PTPRD: variants seen among roughly 807,000 people sequenced by gnomAD.
PTPRD encodes the protein receptor-type tyrosine-protein phosphatase delta.
PTPRD carries 34 observed loss-of-function variants against 214.5 expected under a neutral mutation model. The ratio of observed to expected loss-of-function variants is 0.16; its 90% CI spans 0.12 to 0.21. The LOEUF is 0.21. Ranked by LOEUF, PTPRD falls within the 10% of genes least tolerant of loss-of-function variation. The pLI is 1.00. For synonymous variants in PTPRD, 1,128 were observed against 845.7 expected, an observed-to-expected ratio of 1.33 and a Z score of -5.79; for missense variants, 2,545 against 2,398.7, an observed-to-expected ratio of 1.06 and a Z score of -1.27.
At chr9:8,915,701 A>G (rs1325843014) in intron 11 of PTPRD, among the ~76,000 whole-genome samples, 1 of 152,172 alleles carries the variant, frequency 6.6e-6, no homozygotes, top group Non-Finnish European at 1.5e-5. Flanking sequence ...GCAGAAAAAA[A>G]TCCAATGTCC....
intron 12 of PTPRD, among the ~76,000 whole-genome samples, chr9:8,706,256 A>G (rs1442911006): frequency 2.6e-5 from 4 of 152,210 alleles, no homozygotes; most frequent in African/African-American, 9.6e-5. Context: ...GAAATTAGAT[A>G]TAATAGGATT....
chr9:9,531,624 C>T (rs1012316398), intron 8 of PTPRD, among the ~76,000 whole-genome samples: 2 of 152,058 alleles, frequency 1.3e-5, no homozygotes, highest in East Asian at 1.9e-4. Context: ...GAATAGTACT[C>T]CTCGCACAGA....
chr9:9,341,743 A>C (rs1253346971), intron 9 of PTPRD, among the ~76,000 whole-genome samples: 1 of 152,096 alleles, frequency 6.6e-6, no homozygotes, highest in Non-Finnish European at 1.5e-5. Flanking sequence ...CATTTGCATA[A>C]GGAAAATAAT....
At chr9:10,453,868 T>G (rs1378305774) in intron 2 of PTPRD, among the ~76,000 whole-genome samples, 2 of 151,814 alleles carry the variant, frequency 1.3e-5, no homozygotes, top group Admixed American at 1.3e-4. Flanking sequence ...AACCCTTGTC[T>G]TCTTCTAGAT....
chr9:9,596,075 T>G (rs939156702), intron 7 of PTPRD, among the ~76,000 whole-genome samples: 3 of 152,044 alleles, frequency 2.0e-5, no homozygotes, highest in African/African-American at 7.2e-5. Context: ...AATCAAAATA[T>G]ATTCACTTAG....
At chr9:9,816,435 A>C (rs2048795404) in intron 5 of PTPRD, among the ~76,000 whole-genome samples, 1 of 152,102 alleles carries the variant, frequency 6.6e-6, no homozygotes. Context: ...ATGCATCATA[A>C]TTGCTAAAGT....
At chr9:9,885,239 C>A (rs2070398148) in intron 5 of PTPRD, among the ~76,000 whole-genome samples, 1 of 151,766 alleles carries the variant, frequency 6.6e-6, no homozygotes, top group African/African-American at 2.4e-5. Context: ...TTAGAAATTA[C>A]TAAATTGAGA....
At chr9:8,752,610 G>C (rs981903669) in intron 11 of PTPRD, among the ~76,000 whole-genome samples, 1 of 152,098 alleles carries the variant, frequency 6.6e-6, no homozygotes, top group African/African-American at 2.4e-5. Context: ...TTGGGGTCTG[G>C]ATCGGGACCC....
chr9:8,761,290 A>G (rs1342981545), intron 11 of PTPRD, among the ~76,000 whole-genome samples: 1 of 152,208 alleles, frequency 6.6e-6, no homozygotes, highest in Non-Finnish European at 1.5e-5. Flanking sequence ...AAAAGAGACT[A>G]GGACACTCTA....
chr9:9,738,503 G>GCA (rs2098341402), intron 6 of PTPRD, among the ~76,000 whole-genome samples: 1 of 125,206 alleles, frequency 8.0e-6, no homozygotes, highest in African/African-American at 3.3e-5. Flanking sequence ...GAGACCATCA[G>GCA]TGCGATCTTG....
intron 7 of PTPRD, among the ~76,000 whole-genome samples, chr9:9,665,169 T>C (rs566494363): frequency 3.3e-5 from 5 of 151,816 alleles, no homozygotes; most frequent in South Asian, 2.1e-4. Flanking sequence ...GTACTAGCTA[T>C]AGAAAATAGT....
At chr9:10,374,331 T>C (rs770853505) in intron 2 of PTPRD, among the ~76,000 whole-genome samples, 4 of 152,066 alleles carry the variant, frequency 2.6e-5, no homozygotes, top group Non-Finnish European at 5.9e-5. Context: ...TAAGTGATAG[T>C]GCATTATCTA....
intron 12 of PTPRD, chr9:8,700,997 T>C (rs1986006): frequency 0.59 from 88,761 of 151,416 alleles, 26,182 homozygotes; most frequent in Admixed American, 0.64. Context: ...CCCGTCTCTA[T>C]TAAAAATACA....
chr9:9,102,773 T>C (rs970601133), intron 10 of PTPRD, among the ~76,000 whole-genome samples: 1 of 152,238 alleles, frequency 6.6e-6, no homozygotes, highest in Non-Finnish European at 1.5e-5. Flanking sequence ...TTCAGGAAAT[T>C]AAACTGGTAG....
intron 5 of PTPRD, among the ~76,000 whole-genome samples, chr9:9,893,439 C>G (rs575792262): frequency 6.6e-6 from 1 of 151,890 alleles, no homozygotes; most frequent in Admixed American, 6.6e-5. Context: ...GGAACATTTA[C>G]CAAGCAAATA....
intron 3 of PTPRD, among the ~76,000 whole-genome samples, chr9:10,223,344 C>G (rs1486059016): frequency 3.3e-5 from 5 of 151,868 alleles, no homozygotes; most frequent in African/African-American, 1.2e-4. Flanking sequence ...AAGTCAGAAC[C>G]TCCTGGTTTG....
At chr9:10,242,484 T>C (rs2154363372) in intron 3 of PTPRD, among the ~76,000 whole-genome samples, 1 of 152,090 alleles carries the variant, frequency 6.6e-6, no homozygotes, top group Non-Finnish European at 1.5e-5. Flanking sequence ...AGATCACAGG[T>C]ACCAACGTTC....
At chr9:9,795,397 A>T (rs1486689459) in intron 5 of PTPRD, among the ~76,000 whole-genome samples, 1 of 152,196 alleles carries the variant, frequency 6.6e-6, no homozygotes, top group Non-Finnish European at 1.5e-5. Flanking sequence ...ATCTGATCAC[A>T]ATATTGAGGG....
chr9:10,219,974 T>C (rs925224924), intron 3 of PTPRD, among the ~76,000 whole-genome samples: 1 of 151,786 alleles, frequency 6.6e-6, no homozygotes, highest in Non-Finnish European at 1.5e-5. Flanking sequence ...ATTTCTATAA[T>C]TTAATAAAAT....
Sources: allele counts gnomAD v4.1 joint callset (sites outside exome capture counted in the v4.1 genomes callset), GRCh38; gene constraint gnomAD v4.1.1; transcripts MANE v1.5; gene names NCBI Gene and HGNC (gene_info 2026-07-23, HGNC 2026-07-21).